IPO11: variants seen among roughly 807,000 people sequenced by gnomAD.
IPO11 encodes importin 11.
Under a neutral mutation model 143.2 loss-of-function variants are expected in IPO11, and 66 were observed. That is an observed-to-expected ratio of 0.46 (90% CI 0.38 to 0.57). The LOEUF (loss-of-function observed/expected upper bound fraction) is 0.57. Ranked by LOEUF, IPO11 falls within the 20% of genes least tolerant of loss-of-function variation. IPO11 has a pLI of 0.00. For missense variants in IPO11, 1,026 were observed against 1,141.0 expected (o/e 0.90, Z 1.45); for synonymous variants, 385 against 377.8 (o/e 1.02, Z -0.22).
At chr5:62,460,337 TA>T (rs923526738) in intron 5 of IPO11, among the ~76,000 whole-genome samples, 1 of 151,490 alleles carries the variant, frequency 6.6e-6, no homozygotes, top group African/African-American at 2.4e-5. Context: ...ATTGACTTGT[TA>T]AAAAAAAACT....
chr5:62,538,749 GCA>G (rs1284677692), intron 24 of IPO11, among the ~76,000 whole-genome samples: 3 of 152,326 alleles, frequency 2.0e-5, no homozygotes, highest in Non-Finnish European at 2.9e-5. Flanking sequence ...ATTTGCGTAA[GCA>G]CAGTCTATGA....
chr5:62,480,296 A>G (rs1018743477), intron 9 of IPO11, among the ~76,000 whole-genome samples: 10 of 152,114 alleles, frequency 6.6e-5, no homozygotes, highest in Admixed American at 3.3e-4. Flanking sequence ...CCGTTGGTCT[A>G]TATCTCTGTT....
At chr5:62,500,139 G>A (rs947940711) in intron 16 of IPO11, among the ~76,000 whole-genome samples, 2 of 152,166 alleles carry the variant, frequency 1.3e-5, no homozygotes, top group Non-Finnish European at 2.9e-5. Flanking sequence ...ACAAAAATTA[G>A]CCAGACATGG....
chr5:62,545,459 T>TA (rs1273968095), intron 24 of IPO11, among the ~76,000 whole-genome samples: 53 of 152,278 alleles, frequency 3.5e-4, no homozygotes, highest in African/African-American at 1.3e-3. Flanking sequence ...CAAGATGGAT[T>TA]AAAGACTTAA....
chr5:62,443,243 C>T (rs1744564012), intron 3 of IPO11, 160 bp downstream of exon 3: 1 of 451,120 alleles, frequency 2.2e-6, no homozygotes, highest in African/African-American at 2.0e-5. Context: ...GGTCTCTGTG[C>T]AAGGATGATG....
At chr5:62,581,423 A>G (rs1744559798) in intron 27 of IPO11, 3 of 816,438 alleles carry the variant, frequency 3.7e-6, no homozygotes, top group Non-Finnish European at 5.5e-6. Context: ...TGAGGTTAGC[A>G]TTATTAAAAT....
intron 19 of IPO11, among the ~76,000 whole-genome samples, chr5:62,514,610 G>GGGAGAC (rs1200875754): frequency 1.8e-5 from 2 of 113,346 alleles, no homozygotes; most frequent in Admixed American, 7.7e-5. Flanking sequence ...AGACGGGAGA[G>GGGAGAC]GGAGAGGGAG....
At chr5:62,424,191 G>C (rs757132499) in intron 1 of IPO11, among the ~76,000 whole-genome samples, 1 of 151,338 alleles carries the variant, frequency 6.6e-6, no homozygotes, top group Non-Finnish European at 1.5e-5. Context: ...TCAGGCTGGA[G>C]TGCAGTGGCG....
At chr5:62,583,990 A>G (rs1338948343) in intron 27 of IPO11, among the ~76,000 whole-genome samples, 1 of 152,128 alleles carries the variant, frequency 6.6e-6, no homozygotes, top group Non-Finnish European at 1.5e-5. Context: ...AATAGAATCC[A>G]TTTTTTCCAT....
intron 1 of IPO11, among the ~76,000 whole-genome samples, chr5:62,425,214 C>T (rs1197110660): frequency 6.6e-6 from 1 of 152,214 alleles, no homozygotes; most frequent in African/African-American, 2.4e-5. Flanking sequence ...ATTGAGAATT[C>T]TAAAGTTCCT....
intron 5 of IPO11, among the ~76,000 whole-genome samples, chr5:62,457,903 C>T (rs916839649): frequency 2.6e-5 from 4 of 152,066 alleles, no homozygotes; most frequent in African/African-American, 9.7e-5. Context: ...AATCCCAGCC[C>T]TTTGGGAGGC....
At chr5:62,523,184 T>G (rs1742258361) in intron 20 of IPO11, among the ~76,000 whole-genome samples, 1 of 152,266 alleles carries the variant, frequency 6.6e-6, no homozygotes, top group Non-Finnish European at 1.5e-5. Flanking sequence ...TTATTCTGTC[T>G]TTGTATTTCT....
In IPO11 at chr5:62,463,160, G is replaced by A. The variant is rs144599473; in HGVS notation, c.517-3971G>A. Among the ~76,000 whole-genome samples the A allele has an allele frequency of 5.2e-3, 794 of 152,096 alleles. 8 individuals are homozygous for A. The highest frequency in any genetic ancestry group is 0.018 in the African/African-American group (764 of 41,516). On this transcript the variant is annotated intron_variant, in intron 5 of 29. Coordinates refer to ENST00000325324, the MANE Select transcript of IPO11 (RefSeq NM_016338.5). ...GGGTTCAAATGATCCTCCCACCTCA[G>A]CCTTGCAAGTAGCCGAGATTACAGG...
At chr5:62,591,699 A>G (rs2112428227) in intron 28 of IPO11, 27 bp downstream of exon 28, 1 of 1,460,550 alleles carries the variant, frequency 6.8e-7, no homozygotes, top group South Asian at 1.2e-5. Context: ...ATTAATCATA[A>G]TTGGACTTGG....
Position 62,550,411 on chromosome 5 carries a change from A to G in IPO11, c.2295A>G (p.Gln765=), listed in dbSNP as rs1446966535. 2.5e-6 allele frequency: 4 copies of G among 1,613,286 alleles called. No individual in the cohort carries two copies. Among genetic ancestry groups the G allele is most frequent in the South Asian group, 2.2e-5 (2 of 90,982 alleles). The change falls in exon 25 of 30, where the codon CAA becomes CAG. Residue 765 remains glutamine (Q), a synonymous_variant. Transcript: ENST00000325324. ...AAGTGAACCCAATACTAGGTCCACA[A>G]ATGTTTCAACCGATTTTACCCTATG... ...ALKVNPILGP[Q]MFQPILPYVF... is the part of the protein sequence containing the mutation.
intron 27 of IPO11, among the ~76,000 whole-genome samples, chr5:62,565,081 A>T (rs1371927375): frequency 1.3e-5 from 2 of 152,186 alleles, no homozygotes; most frequent in African/African-American, 4.8e-5. Flanking sequence ...TCTTTTTCTC[A>T]TCTATTTAAT....
At chr5:62,444,896 A>G (rs1035209120) in intron 3 of IPO11, among the ~76,000 whole-genome samples, 1 of 150,964 alleles carries the variant, frequency 6.6e-6, no homozygotes. Flanking sequence ...ACATATATAT[A>G]TGTATATATA....
At chr5:62,465,769 A>G (rs866202911) in intron 5 of IPO11, among the ~76,000 whole-genome samples, 10 of 152,276 alleles carry the variant, frequency 6.6e-5, no homozygotes, top group Non-Finnish European at 1.3e-4. Context: ...TTGTAAAGAT[A>G]CAGTGAACCA....
intron 28 of IPO11, among the ~76,000 whole-genome samples, chr5:62,593,508 A>G (rs924975078): frequency 1.3e-5 from 2 of 152,142 alleles, no homozygotes; most frequent in African/African-American, 4.8e-5. Flanking sequence ...ACAACAACAA[A>G]AAAAGTGGAG....
Sources: gnomAD v4.1 joint callset for allele counts (sites outside exome capture counted in the v4.1 genomes callset) on GRCh38, gnomAD v4.1.1 for gene constraint, MANE v1.5 for transcripts, NCBI Gene and HGNC (gene_info 2026-07-23, HGNC 2026-07-21) for gene names.